PRH1: variants seen among roughly 807,000 people sequenced by gnomAD.
PRH1 encodes proline rich protein HaeIII subfamily 1.
Under a neutral mutation model 7.9 loss-of-function variants are expected in PRH1, and 7 were observed. The ratio of observed to expected loss-of-function variants is 0.89; its 90% confidence interval spans 0.50 to 1.67. The LOEUF is 1.67. Among genes scored for constraint, PRH1 ranks in the 40% most tolerant of loss-of-function variants. PRH1 has a pLI of 0.00. For missense variants in PRH1, 109 were observed against 223.6 expected, an observed-to-expected ratio of 0.49 and a Z score of 3.27; for synonymous variants, 45 against 80.8, an observed-to-expected ratio of 0.56 and a Z score of 2.38.
chr12:11,084,115 CAGG>C (rs1283238805), intron 1 of PRH1, among the ~76,000 whole-genome samples: 2 of 111,018 alleles, frequency 1.8e-5, no homozygotes, highest in African/African-American at 6.3e-5. Flanking sequence ...CCCCAGCCAA[CAGG>C]AGAAGGACAC....
At chr12:11,122,503 T>C (rs1287183752) in intron 1 of PRH1, among the ~76,000 whole-genome samples, 1 of 152,256 alleles carries the variant, frequency 6.6e-6, no homozygotes, top group Non-Finnish European at 1.5e-5. Context: ...TGTCCACACT[T>C]GTTGTGTCAG....
At chr12:10,906,020 A>G (rs1949797343) in intron 2 of PRH1, among the ~76,000 whole-genome samples, 1 of 152,196 alleles carries the variant, frequency 6.6e-6, no homozygotes, top group Admixed American at 6.5e-5. Flanking sequence ...AAACTACAAG[A>G]GAGTTCAGAG....
At chr12:10,932,033 A>T (rs915589198) in intron 2 of PRH1, among the ~76,000 whole-genome samples, 3 of 152,216 alleles carry the variant, frequency 2.0e-5, no homozygotes, top group South Asian at 2.1e-4. Flanking sequence ...TCATCTAAGC[A>T]ACAGTTTAAA....
intron 1 of PRH1, chr12:11,133,922 A>C (rs1219505430): frequency 1.2e-6 from 2 of 1,614,186 alleles, no homozygotes; most frequent in South Asian, 2.2e-5. Flanking sequence ...GGCAATCCTG[A>C]GCAAATAAAA....
In PRH1 at chr12:11,091,592, C is replaced by T. The variant is rs749393733; in HGVS notation, n.124-44404G>A. 4 of 1,321,680 alleles carry T rather than the reference C, an allele frequency of 3.0e-6. No homozygotes were observed. Among genetic ancestry groups the T allele is most frequent in the South Asian group, 2.3e-5 (2 of 87,026 alleles). 81.9% of individuals were successfully genotyped at this position (1,321,680 alleles called of 1,614,324 possible). A position where few individuals can be genotyped will look rare whatever the true frequency, so the allele number is the denominator to read the frequency against. ...GGTGCTGGGATCTTGAGATCCTTTA[C>T]CATGGAGCTGCATCTTCTTGAGATG... is the stretch of plus-strand genomic sequence containing the variant. On this transcript the variant is annotated intron_variant and non_coding_transcript_variant, in intron 1 of 4. Coordinates refer to the PRH1 transcript ENST00000541977.
At chr12:11,127,095 A>G (rs1700436047) in intron 1 of PRH1, among the ~76,000 whole-genome samples, 2 of 152,260 alleles carry the variant, frequency 1.3e-5, no homozygotes, top group South Asian at 2.1e-4. Context: ...AATGTCAAAC[A>G]GGAAAGCACC....
At chr12:11,051,821 C>A (rs1943157903), upstream of PRH1, among the ~76,000 whole-genome samples, 1 of 152,000 alleles carries the variant, frequency 6.6e-6, no homozygotes, top group Admixed American at 6.6e-5. Flanking sequence ...ACATGTGATT[C>A]ATTTCTTTTC....
In PRH1 at chr12:11,090,246, T is replaced by C. The variant is rs1212379677; in HGVS notation, n.124-43058A>G. Among the ~76,000 whole-genome samples, 2 of 116,268 alleles carry C rather than the reference T, an allele frequency of 1.7e-5. 1 individual carries two copies. The highest frequency in any genetic ancestry group is 4.1e-5 in the Non-Finnish European group (2 of 49,164). 76.3% of individuals were successfully genotyped at this position (116,268 alleles called of 152,430 possible). ...ATACATAGGGTTCACAGATACTATT[T>C]TAACATTTACAAAAAGTTTGACTGA... is the stretch of plus-strand genomic sequence containing the variant. On this transcript the variant is annotated intron_variant and non_coding_transcript_variant, in intron 1 of 4. Transcript: ENST00000541977.
At chr12:11,162,647 G>A (rs1238431442) in intron 1 of PRH1, among the ~76,000 whole-genome samples, 1 of 152,116 alleles carries the variant, frequency 6.6e-6, no homozygotes, top group East Asian at 1.9e-4. Flanking sequence ...CAAAATCCTT[G>A]TTCTCCTCTT....
intron 1 of PRH1, chr12:11,133,173 T>C (rs1441409794): frequency 1.5e-6 from 2 of 1,319,638 alleles, no homozygotes; most frequent in African/African-American, 3.2e-5. Flanking sequence ...CTAGACTAAC[T>C]TTAGGTAAAA....
At chr12:10,939,319 TTAAAAAGGGAATG>T (rs1950353150) in intron 2 of PRH1, 1 of 635,764 alleles carries the variant, frequency 1.6e-6, no homozygotes, top group Admixed American at 3.6e-5. Context: ...TATATTCCCT[TTAAAAAGGGAATG>T]TTAAACCAGC....
At chr12:10,908,709 GA>G in intron 2 of PRH1, 4 of 1,613,874 alleles carry the variant, frequency 2.5e-6, no homozygotes, top group Non-Finnish European at 3.4e-6. Flanking sequence ...CAGGAGAAAA[GA>G]GATGAAGGCC....
At chr12:11,101,703 A>G (rs1400578517) in intron 1 of PRH1, among the ~76,000 whole-genome samples, 1 of 152,154 alleles carries the variant, frequency 6.6e-6, no homozygotes, top group Non-Finnish European at 1.5e-5. Context: ...ATAACAACTA[A>G]TAAACAGTAA....
Position 11,066,393 on chromosome 12 carries a change from A to G in PRH1, n.124-19205T>C, listed in dbSNP as rs990985874. On this transcript the variant is annotated intron_variant and non_coding_transcript_variant, in intron 1 of 4. Coordinates refer to the PRH1 transcript ENST00000541977. ...TAGTTTTAGTTACACTAAAATCTAAATTGTTTCTATAGTGATCATAATGAA... is the reference window on the plus strand; with the variant it reads ...TAGTTTTAGTTACACTAAAATCTAAGTTGTTTCTATAGTGATCATAATGAA... 2.6e-5 allele frequency among the ~76,000 whole-genome samples: 4 copies of G among 152,162 alleles called. No individual in the cohort carries two copies. The East Asian group carries it at 5.8e-4, about 22-fold the overall frequency.
At chr12:11,053,964 G>A (rs1943257134) in intron 1 of PRH1, among the ~76,000 whole-genome samples, 1 of 152,096 alleles carries the variant, frequency 6.6e-6, no homozygotes, top group South Asian at 2.1e-4. Flanking sequence ...GGGATTACAG[G>A]TGCTGTCCAT....
chr12:10,985,527 A>G (rs939338633), intron 1 of PRH1, among the ~76,000 whole-genome samples: 1 of 152,184 alleles, frequency 6.6e-6, no homozygotes, highest in Non-Finnish European at 1.5e-5. Flanking sequence ...GGTAAAAATC[A>G]GTGGAAAAGA....
At chr12:11,111,993 T>C (rs1021945767) in intron 1 of PRH1, among the ~76,000 whole-genome samples, 2 of 152,008 alleles carry the variant, frequency 1.3e-5, no homozygotes, top group African/African-American at 4.8e-5. Flanking sequence ...TTCAGAGAAA[T>C]ACAAACTATC....
intron 1 of PRH1, among the ~76,000 whole-genome samples, chr12:11,142,080 C>T (rs189107621): frequency 2.2e-4 from 34 of 152,248 alleles, no homozygotes; most frequent in Admixed American, 1.2e-3. Context: ...GCATGAACAA[C>T]CACACCTGGC....
rs934368846 is a variant in PRH1 at position 10,986,497 on chromosome 12, T to G, written c.-125-12776A>C. On this transcript the variant is annotated intron_variant, in intron 1 of 3. Transcript: ENST00000539853. Reference sequence around the variant, plus strand: ...AGAATGACACTCCTAACTCTCCTCTTTAAATGAAGAAAAAGAAGGTTGGAG... The same window carrying G: ...AGAATGACACTCCTAACTCTCCTCTGTAAATGAAGAAAAAGAAGGTTGGAG... 4.3e-6 allele frequency: 7 copies of G among 1,613,902 alleles called. No individual in the cohort carries two copies. In the African/African-American group the frequency reaches 9.4e-5, roughly 22 times the overall value.
Sources: gnomAD v4.1 joint callset for allele counts (sites outside exome capture counted in the v4.1 genomes callset) on GRCh38, gnomAD v4.1.1 for gene constraint, MANE v1.5 for transcripts, NCBI Gene and HGNC (gene_info 2026-07-23, HGNC 2026-07-21) for gene names.